ROBO1: variants seen among roughly 807,000 people sequenced by gnomAD.
The protein encoded by ROBO1 is roundabout homolog 1.
In ROBO1, 149 loss-of-function variants were observed where a neutral mutation model predicts 195.9. The ratio of observed to expected loss-of-function variants is 0.76; its 90% CI spans 0.67 to 0.87. ROBO1 has a LOEUF of 0.87. Among genes scored for constraint, ROBO1 ranks in the 40% least tolerant of loss-of-function variants. The pLI, the probability that ROBO1 is intolerant of heterozygous loss-of-function variation, is 0.00. For synonymous variants in ROBO1, 816 were observed against 733.2 expected, an observed-to-expected ratio of 1.11 and a Z score of -1.82; for missense variants, 1,933 against 2,068.3, an observed-to-expected ratio of 0.93 and a Z score of 1.27.
chr3:79,250,904 A>C (rs1372976798), intron 2 of ROBO1, among the ~76,000 whole-genome samples: 1 of 152,092 alleles, frequency 6.6e-6, no homozygotes, highest in Non-Finnish European at 1.5e-5. Context: ...AAAATACAAA[A>C]ATTAGTCAGC....
chr3:79,094,614 A>AT (rs922747804), intron 3 of ROBO1, among the ~76,000 whole-genome samples: 27 of 152,246 alleles, frequency 1.8e-4, no homozygotes, highest in African/African-American at 5.8e-4. Context: ...GTCAGGTTTT[A>AT]TTTTTTTCAA....
chr3:79,010,541 T>A (rs1027830093), intron 3 of ROBO1, among the ~76,000 whole-genome samples: 1 of 152,164 alleles, frequency 6.6e-6, no homozygotes, highest in African/African-American at 2.4e-5. Context: ...TGTTTCAGGT[T>A]CCGTGTATAC....
At chr3:79,566,714 A>G (rs953802609) in intron 2 of ROBO1, among the ~76,000 whole-genome samples, 5 of 152,142 alleles carry the variant, frequency 3.3e-5, no homozygotes, top group African/African-American at 4.8e-5. Flanking sequence ...GAAATGCAAA[A>G]TCAAAACCAC....
At chr3:79,245,683 A>T (rs2082612799) in intron 2 of ROBO1, among the ~76,000 whole-genome samples, 1 of 152,068 alleles carries the variant, frequency 6.6e-6, no homozygotes, top group Non-Finnish European at 1.5e-5. Flanking sequence ...GTAGAAGGTA[A>T]ATCAAACAAA....
intron 2 of ROBO1, among the ~76,000 whole-genome samples, chr3:79,547,758 AT>A (rs1355102151): frequency 9.9e-5 from 15 of 152,128 alleles, no homozygotes; most frequent in African/African-American, 3.6e-4. Flanking sequence ...TCTTGTTAGG[AT>A]TGTGGGAATC....
chr3:79,687,575 T>C (rs948977359), intron 1 of ROBO1, among the ~76,000 whole-genome samples: 2 of 152,132 alleles, frequency 1.3e-5, no homozygotes, highest in African/African-American at 4.8e-5. Flanking sequence ...GACCAGACAC[T>C]TCTCAAAAGA....
At chr3:79,618,831 C>G (rs568983873) in intron 1 of ROBO1, among the ~76,000 whole-genome samples, 2 of 152,262 alleles carry the variant, frequency 1.3e-5, no homozygotes, top group South Asian at 4.1e-4. Flanking sequence ...TTTTTTCACT[C>G]TCTTCTCCAG....
intron 2 of ROBO1, among the ~76,000 whole-genome samples, chr3:79,281,463 A>G (rs1360610329): frequency 4.6e-5 from 7 of 152,150 alleles, no homozygotes; most frequent in Admixed American, 3.9e-4. Context: ...AGAAATTTAT[A>G]AAACACAATA....
In ROBO1 at chr3:78,717,866, G is replaced by T; in HGVS notation, c.675C>A (p.Leu225=). 1 of 1,613,400 alleles carries T rather than the reference G, an allele frequency of 6.2e-7. No individual in the cohort carries two copies. Among genetic ancestry groups the T allele is most frequent in the South Asian group, 1.1e-5 (1 of 91,016 alleles). ...DERITIRGGK[L]MITYTRKSDA... ...CACTTTTACGGGTGTAAGTGATCAT[G>T]AGCTTTCCTCCTCGTATCTTAAAAA... Residue 225 remains leucine (L), a synonymous_variant, in exon 6 of 31, where the codon CTC becomes CTA. Coordinates refer to ENST00000464233, the MANE Select transcript of ROBO1 (RefSeq NM_002941.4).
intron 8 of ROBO1, among the ~76,000 whole-genome samples, chr3:78,711,429 T>TTCTC: frequency 8.5e-6 from 1 of 117,290 alleles, no homozygotes; most frequent in Non-Finnish European, 1.7e-5. Context: ...CTTTCTTTCT[T>TTCTC]TCTTTCTTTC....
At chr3:79,446,244 C>A (rs925747563) in intron 2 of ROBO1, among the ~76,000 whole-genome samples, 2 of 152,098 alleles carry the variant, frequency 1.3e-5, no homozygotes, top group African/African-American at 4.8e-5. Flanking sequence ...CAAACTTTTA[C>A]TTCTGTAGGT....
At chr3:79,573,800 T>C (rs1476984449) in intron 2 of ROBO1, among the ~76,000 whole-genome samples, 2 of 152,166 alleles carry the variant, frequency 1.3e-5, no homozygotes, top group African/African-American at 4.8e-5. Flanking sequence ...CTTGCCAAAA[T>C]GTCTCCTTTG....
chr3:79,176,946 T>A lies in ROBO1; in HGVS notation c.89-51407A>T, dbSNP rs544222261. On this transcript the variant is annotated intron_variant, in intron 2 of 30. Transcript: ENST00000464233. The stretch of plus-strand genomic sequence containing the variant: ...TAGTGCCAGTTATTACCTGTCTAAT[T>A]AGATAATACATAGTAAGTGTCTCTG... Among the ~76,000 whole-genome samples, 3 of 152,308 alleles carry A rather than the reference T, an allele frequency of 2.0e-5. No homozygotes were observed. In the East Asian group the frequency reaches 5.8e-4, roughly 29 times the overall value.
intron 2 of ROBO1, among the ~76,000 whole-genome samples, chr3:79,187,135 C>T (rs716681): frequency 0.16 from 24,731 of 151,898 alleles, 3,640 homozygotes; most frequent in African/African-American, 0.39. Flanking sequence ...TTAAAACTTC[C>T]ATTAAACACC....
Position 79,589,873 on chromosome 3 carries a change from T to A in ROBO1, c.39A>T (p.Ser13=), listed in dbSNP as rs757197446. 68 of 1,610,742 alleles carry A rather than the reference T, an allele frequency of 4.2e-5. 1 individual carries two copies. The African/African-American group carries it at 7.9e-4, about 19-fold the overall frequency. Residue 13 remains serine (S), a synonymous_variant, in exon 2 of 31, where the codon TCA becomes TCT. Transcript: ENST00000464233. ...GGTGATTTGGGGATAAGCTGAGGAG[T>A]GATATCATGACCAAAAAAGGAACAT... is the stretch of plus-strand genomic sequence containing the variant. ...WKHVPFLVMI[S]LLSLSPNHLF...
At chr3:79,416,298 G>A (rs955433395) in intron 2 of ROBO1, among the ~76,000 whole-genome samples, 2 of 151,794 alleles carry the variant, frequency 1.3e-5, no homozygotes, top group African/African-American at 4.8e-5. Flanking sequence ...ATAGAAAGAA[G>A]TATAGATACG....
intron 2 of ROBO1, among the ~76,000 whole-genome samples, chr3:79,146,571 T>C (rs564351657): frequency 6.6e-6 from 1 of 152,076 alleles, no homozygotes; most frequent in African/African-American, 2.4e-5. Context: ...TACATACATA[T>C]GCATATATCC....
intron 2 of ROBO1, among the ~76,000 whole-genome samples, chr3:79,182,568 T>C (rs1029917991): frequency 4.5e-4 from 68 of 151,726 alleles, no homozygotes; most frequent in African/African-American, 1.6e-3. Context: ...TGTGTGTGTG[T>C]GTGCGTGCGT....
At position 79,420,648 on chromosome 3, in the gene ROBO1, T is replaced by C. The variant is rs2106932332; in HGVS notation, c.88+169176A>G. Among the ~76,000 whole-genome samples, 2 of 152,264 alleles carry C rather than the reference T, an allele frequency of 1.3e-5. 1 individual carries two copies. Among genetic ancestry groups the C allele is most frequent in the South Asian group, 4.1e-4 (2 of 4,832 alleles). The stretch of plus-strand genomic sequence containing the variant: ...TTGAATCTGAGTTAGCTTTATTATT[T>C]GTTTTGACCAATAGAATGCAGTGAA... On this transcript the variant is annotated intron_variant, in intron 2 of 30. Coordinates refer to ENST00000464233, the MANE Select transcript of ROBO1 (RefSeq NM_002941.4).
Sources: gnomAD v4.1 joint callset for allele counts (sites outside exome capture counted in the v4.1 genomes callset) on GRCh38, gnomAD v4.1.1 for gene constraint, MANE v1.5 for transcripts, NCBI Gene and HGNC (gene_info 2026-07-23, HGNC 2026-07-21) for gene names.